AUTS2: variants seen among roughly 807,000 people sequenced by gnomAD.
The protein encoded by AUTS2 is autism susceptibility gene 2 protein.
Under a neutral mutation model 112.4 loss-of-function variants are expected in AUTS2, and 17 were observed. That is an observed-to-expected ratio of 0.15 (90% CI 0.10 to 0.23). AUTS2 has a LOEUF of 0.23. Among genes scored for constraint, AUTS2 ranks in the 10% least tolerant of loss-of-function variants. The pLI is 1.00. For missense variants in AUTS2, 1,510 were observed against 1,701.6 expected (o/e 0.89, Z 1.98); for synonymous variants, 751 against 702.7 (o/e 1.07, Z -1.09).
At chr7:70,665,451 CTATTTATT>C (rs140760249) in intron 5 of AUTS2, among the ~76,000 whole-genome samples, 20 of 147,120 alleles carry the variant, frequency 1.4e-4, no homozygotes, top group Admixed American at 4.7e-4. Flanking sequence ...ATCTATTTAT[CTATTTATT>C]TATTTATTTA....
At chr7:70,252,716 C>T (rs1201927946) in intron 4 of AUTS2, among the ~76,000 whole-genome samples, 1 of 152,102 alleles carries the variant, frequency 6.6e-6, no homozygotes, top group Admixed American at 6.5e-5. Flanking sequence ...TTTACAGTTT[C>T]AGATCTTACA....
Position 70,534,909 on chromosome 7 carries a change from A to G in AUTS2, c.690+99128A>G, listed in dbSNP as rs569102392. On this transcript the variant is annotated intron_variant, in intron 5 of 18. Coordinates refer to ENST00000342771, the MANE Select transcript of AUTS2 (RefSeq NM_015570.4). ...ACTTCAGAATGTCACGAACTGGTGA[A>G]AAAAAAATGTATATTTTTTTGTAAT... Among the ~76,000 whole-genome samples the G allele has an allele frequency of 8.6e-4, 131 of 151,738 alleles. 2 individuals are homozygous for G. The highest frequency in any genetic ancestry group is 3.0e-3 in the African/African-American group (122 of 41,262).
At chr7:70,108,766 C>T (rs1268660781) in intron 2 of AUTS2, among the ~76,000 whole-genome samples, 1 of 131,362 alleles carries the variant, frequency 7.6e-6, no homozygotes, top group African/African-American at 3.1e-5. Context: ...AGTTCCAGAC[C>T]AGCCTGGCCA....
At chr7:70,313,109 TA>T (rs1429853437) in intron 4 of AUTS2, among the ~76,000 whole-genome samples, 1 of 152,150 alleles carries the variant, frequency 6.6e-6, no homozygotes, top group Non-Finnish European at 1.5e-5. Flanking sequence ...AGGCTCAGGC[TA>T]AAAAAACTTC....
intron 5 of AUTS2, among the ~76,000 whole-genome samples, chr7:70,613,787 T>C (rs1438441323): frequency 2.0e-5 from 3 of 152,220 alleles, no homozygotes; most frequent in Non-Finnish European, 4.4e-5. Flanking sequence ...ACATGATCCC[T>C]GGCTCCTTGG....
Position 70,098,772 on chromosome 7 carries a change from G to A in AUTS2, c.523-19360G>A, listed in dbSNP as rs11979089. Among the ~76,000 whole-genome samples, 1,310 of 149,600 alleles carry A rather than the reference G, an allele frequency of 8.8e-3. 23 individuals are homozygous for A. The highest frequency in any genetic ancestry group is 0.031 in the African/African-American group (1,246 of 40,622). ...GGCTGGAGTGCAATGTCACAATCTC[G>A]GCTCACTGCAACCTCCGCCTCTTGG... is the stretch of plus-strand genomic sequence containing the variant. On this transcript the variant is annotated intron_variant, in intron 2 of 18. Transcript: ENST00000342771.
At chr7:70,646,195 G>A (rs556032068) in intron 5 of AUTS2, among the ~76,000 whole-genome samples, 3 of 152,258 alleles carry the variant, frequency 2.0e-5, no homozygotes, top group Non-Finnish European at 2.9e-5. Flanking sequence ...AGCTCAGTGC[G>A]ACTCCTGCCT....
intron 1 of AUTS2, among the ~76,000 whole-genome samples, chr7:69,653,354 A>G (rs1229597588): frequency 6.6e-6 from 1 of 152,228 alleles, no homozygotes; most frequent in Non-Finnish European, 1.5e-5. Context: ...TTTATGATTG[A>G]TTAATGGTTT....
At chr7:70,135,324 A>G (rs570456276) in intron 4 of AUTS2, among the ~76,000 whole-genome samples, 2 of 152,272 alleles carry the variant, frequency 1.3e-5, no homozygotes, top group South Asian at 4.1e-4. Context: ...AATAAGCATT[A>G]TTTGTACAAT....
At chr7:69,890,795 T>A (rs1794486636) in intron 1 of AUTS2, among the ~76,000 whole-genome samples, 1 of 152,134 alleles carries the variant, frequency 6.6e-6, no homozygotes, top group Non-Finnish European at 1.5e-5. Flanking sequence ...CTGAGTTGTC[T>A]CCAGTGGAAA....
chr7:70,389,027 C>T (rs1184952287), intron 4 of AUTS2, among the ~76,000 whole-genome samples: 22 of 152,162 alleles, frequency 1.4e-4, no homozygotes, highest in Admixed American at 1.4e-3. Context: ...AGGTAGAGGA[C>T]AGTTTGTTGG....
chr7:70,329,003 C>T (rs774443268), intron 4 of AUTS2, among the ~76,000 whole-genome samples: 2 of 152,156 alleles, frequency 1.3e-5, no homozygotes, highest in Non-Finnish European at 2.9e-5. Context: ...TCTGCCTCTT[C>T]AGATTTATCT....
At chr7:69,726,769 G>C (rs1490669925) in intron 1 of AUTS2, among the ~76,000 whole-genome samples, 1 of 151,946 alleles carries the variant, frequency 6.6e-6, no homozygotes, top group Non-Finnish European at 1.5e-5. Flanking sequence ...ATTTCAGTAT[G>C]GTTTTAATTT....
rs192202342 is a variant in AUTS2 at position 70,454,564 on chromosome 7, T to G, written c.690+18783T>G. Among the ~76,000 whole-genome samples the G allele has an allele frequency of 1.8e-3, 281 of 151,928 alleles. 1 individual carries two copies. Among genetic ancestry groups the G allele is most frequent in the South Asian group, 0.011 (53 of 4,810 alleles). On this transcript the variant is annotated intron_variant, in intron 5 of 18. Coordinates refer to ENST00000342771, the MANE Select transcript of AUTS2 (RefSeq NM_015570.4). Reference sequence around the variant, plus strand: ...CATCTCAAAAACAAAAAATAAAAATTTATATATAAAATACCTAGAATGATG... The same window carrying G: ...CATCTCAAAAACAAAAAATAAAAATGTATATATAAAATACCTAGAATGATG...
intron 2 of AUTS2, among the ~76,000 whole-genome samples, chr7:70,037,167 A>T (rs1801042757): frequency 6.6e-6 from 1 of 152,240 alleles, no homozygotes; most frequent in Admixed American, 6.5e-5. Flanking sequence ...ATGATTTCAC[A>T]TATGTAGAAT....
At chr7:70,298,320 C>T (rs1226230846) in intron 4 of AUTS2, among the ~76,000 whole-genome samples, 1 of 152,146 alleles carries the variant, frequency 6.6e-6, no homozygotes, top group Admixed American at 6.5e-5. Context: ...GTGTAAGCCA[C>T]TGCACCTGGC....
At chr7:70,775,586 T>C (rs1015715142) in intron 13 of AUTS2, among the ~76,000 whole-genome samples, 200 bp downstream of exon 13, 1 of 152,134 alleles carries the variant, frequency 6.6e-6, no homozygotes, top group East Asian at 1.9e-4. Flanking sequence ...ATTGGCTTTT[T>C]TTTTTTATCT....
At chr7:69,815,113 A>G (rs551274149) in intron 1 of AUTS2, among the ~76,000 whole-genome samples, 1 of 152,324 alleles carries the variant, frequency 6.6e-6, no homozygotes, top group East Asian at 1.9e-4. Context: ...GAATAATAAA[A>G]TAGTAGCCCA....
At chr7:69,629,617 T>G (rs964150706) in intron 1 of AUTS2, among the ~76,000 whole-genome samples, 4 of 152,222 alleles carry the variant, frequency 2.6e-5, no homozygotes, top group Non-Finnish European at 5.9e-5. Context: ...GGTTGCCAGT[T>G]GATCCAGTAA....
Sources: allele counts gnomAD v4.1 joint callset (sites outside exome capture counted in the v4.1 genomes callset), GRCh38; gene constraint gnomAD v4.1.1; transcripts MANE v1.5; gene names NCBI Gene and HGNC (gene_info 2026-07-23, HGNC 2026-07-21).